Variants in COX7B2 observed in about 807,000 individuals in gnomAD.
COX7B2 encodes cytochrome c oxidase subunit 7B2, also known as cytochrome c oxidase subunit 7B2, mitochondrial.
For synonymous variants in COX7B2, 37 were observed against 32.1 expected (o/e 1.15, Z -0.51); for missense variants, 109 against 95.9 (o/e 1.14, Z -0.57).
chr4:46,885,243 A>C (rs1438691207), intron 1 of COX7B2, among the ~76,000 whole-genome samples: 1 of 152,122 alleles, frequency 6.6e-6, no homozygotes, highest in Non-Finnish European at 1.5e-5. Flanking sequence ...TGTGAATTTA[A>C]AACTCATTAT....
chr4:46,849,057 T>C (rs1716486672), intron 1 of COX7B2, among the ~76,000 whole-genome samples: 1 of 152,038 alleles, frequency 6.6e-6, no homozygotes, highest in South Asian at 2.1e-4. Context: ...TCAGTACAGT[T>C]GCAATTCTTT....
Position 46,735,150 on chromosome 4 carries a change from T to A in COX7B2, c.43A>T (p.Ile15Phe). 1.2e-6 allele frequency: 2 copies of A among 1,613,452 alleles called. No homozygotes were observed. The highest frequency in any genetic ancestry group is 1.7e-6 in the Non-Finnish European group (2 of 1,179,826). The change falls in exon 3 of 3, where the codon ATT becomes TTT. Residue 15 changes from isoleucine (I) to phenylalanine (F), a missense_variant. Ile to Phe is a conservative substitution (Grantham distance 21). Coordinates refer to ENST00000355591, the MANE Select transcript of COX7B2 (RefSeq NM_130902.3). Reference sequence around the variant, plus strand: ...GCCATGCTTTGCAGAATGCTTTGAATCTTGAGACTGCTTAGTGCATTTCTG... The same window carrying A: ...GCCATGCTTTGCAGAATGCTTTGAAACTTGAGACTGCTTAGTGCATTTCTG... ...LARNALSSLKIQSILQSMARH... is the reference protein window; with the variant it reads ...LARNALSSLKFQSILQSMARH...
intron 2 of COX7B2, among the ~76,000 whole-genome samples, chr4:46,804,279 C>T (rs961148844): frequency 6.6e-6 from 1 of 152,142 alleles, no homozygotes; most frequent in African/African-American, 2.4e-5. Flanking sequence ...CCGCAAAGAG[C>T]GAAAGAACGA....
intron 2 of COX7B2, among the ~76,000 whole-genome samples, chr4:46,809,497 T>A (rs1269960717): frequency 1.3e-5 from 2 of 151,832 alleles, no homozygotes; most frequent in Non-Finnish European, 3.0e-5. Flanking sequence ...TCAAGATATT[T>A]TTTTAAATTT....
intron 2 of COX7B2, among the ~76,000 whole-genome samples, chr4:46,770,227 A>G (rs1716795562): frequency 6.6e-6 from 1 of 152,204 alleles, no homozygotes; most frequent in African/African-American, 2.4e-5. Flanking sequence ...AGAATCCAGA[A>G]CTACAACCCC....
At chr4:46,754,726 G>GTATATATATA (rs1228184530) in intron 2 of COX7B2, among the ~76,000 whole-genome samples, 11 of 46,132 alleles carry the variant, frequency 2.4e-4, no homozygotes, top group African/African-American at 8.7e-4. Context: ...GTGTGTGTGT[G>GTATATATATA]TGTATATATA....
rs552521254 is a variant in COX7B2, at chr4:46,857,193, C to G, written c.-104-12179G>C. Among the ~76,000 whole-genome samples, 157 of 152,210 alleles carry G rather than the reference C, an allele frequency of 1.0e-3. 1 individual carries two copies. Among genetic ancestry groups the G allele is most frequent in the African/African-American group, 3.6e-3 (150 of 41,520 alleles). ...ACCTCTCACTAGCTTTGTAACTCGA[C>G]AAGTTACTTAACCTTTCTATACCTC... On this transcript the variant is annotated intron_variant, in intron 1 of 2. Transcript: ENST00000355591.
intron 2 of COX7B2, among the ~76,000 whole-genome samples, chr4:46,838,836 C>T (rs1480198762): frequency 1.3e-5 from 2 of 151,858 alleles, no homozygotes; most frequent in Admixed American, 1.3e-4. Flanking sequence ...TGGCATTTGG[C>T]CCAACCATAG....
At chr4:46,896,843 T>C (rs759908981) in intron 1 of COX7B2, among the ~76,000 whole-genome samples, 1 of 152,202 alleles carries the variant, frequency 6.6e-6, no homozygotes, top group Non-Finnish European at 1.5e-5. Flanking sequence ...CATCTGTAGC[T>C]GAATTTCAAT....
At chr4:46,868,843 T>G (rs1484474891) in intron 1 of COX7B2, among the ~76,000 whole-genome samples, 1 of 152,188 alleles carries the variant, frequency 6.6e-6, no homozygotes, top group African/African-American at 2.4e-5. Flanking sequence ...GAATGTGTAT[T>G]CTGTTGGTTT....
chr4:46,740,021 T>G (rs1560344012), intron 2 of COX7B2, among the ~76,000 whole-genome samples: 1 of 152,108 alleles, frequency 6.6e-6, no homozygotes, highest in African/African-American at 2.4e-5. Flanking sequence ...TTTTAATTTT[T>G]TATTTTCATG....
intron 2 of COX7B2, among the ~76,000 whole-genome samples, chr4:46,768,561 G>T (rs1303302710): frequency 6.6e-6 from 1 of 152,054 alleles, no homozygotes; most frequent in African/African-American, 2.4e-5. Flanking sequence ...TGGAACCCTT[G>T]CCAGGGACCC....
intron 2 of COX7B2, among the ~76,000 whole-genome samples, chr4:46,767,530 C>A (rs1487083412): frequency 1.3e-5 from 2 of 152,116 alleles, no homozygotes; most frequent in Non-Finnish European, 2.9e-5. Context: ...ACAGAACATT[C>A]TATCCAAGAG....
intron 2 of COX7B2, among the ~76,000 whole-genome samples, chr4:46,821,063 C>T (rs1714250906): frequency 6.6e-6 from 1 of 152,098 alleles, no homozygotes; most frequent in African/African-American, 2.4e-5. Context: ...GCTGCCCTTG[C>T]TTCTTTAAAA....
chr4:46,758,914 C>T (rs1715961943), intron 2 of COX7B2, among the ~76,000 whole-genome samples: 1 of 152,074 alleles, frequency 6.6e-6, no homozygotes, highest in South Asian at 2.1e-4. Context: ...ACCCACTTTG[C>T]AGAAAACCAC....
intron 2 of COX7B2, among the ~76,000 whole-genome samples, chr4:46,756,990 A>C (rs553026154): frequency 6.6e-6 from 1 of 152,124 alleles, no homozygotes; most frequent in Admixed American, 6.6e-5. Context: ...ACATCTGTAC[A>C]TTTATCACAG....
chr4:46,780,258 T>TG (rs1717375193), intron 2 of COX7B2, among the ~76,000 whole-genome samples: 1 of 152,176 alleles, frequency 6.6e-6, no homozygotes. Flanking sequence ...GGCTCACACC[T>TG]GTAATCCCCA....
intron 1 of COX7B2, among the ~76,000 whole-genome samples, chr4:46,873,523 A>G (rs1218353085): frequency 6.6e-6 from 1 of 152,170 alleles, no homozygotes; most frequent in African/African-American, 2.4e-5. Flanking sequence ...AACTGGCATG[A>G]GATGGTATCT....
chr4:46,848,499 T>C lies in COX7B2; in HGVS notation c.-104-3485A>G, dbSNP rs146336059. On this transcript the variant is annotated intron_variant, in intron 1 of 2. Coordinates refer to ENST00000355591, the MANE Select transcript of COX7B2 (RefSeq NM_130902.3). The stretch of plus-strand genomic sequence containing the variant: ...TTACTGTTGTACAAAAACTGTTTTA[T>C]GCCCTAATGTGATTAGTATTCAGCT... Among the ~76,000 whole-genome samples the C allele has an allele frequency of 7.7e-3, 1,175 of 152,206 alleles. 18 individuals are homozygous for C. The highest frequency in any genetic ancestry group is 0.027 in the African/African-American group (1,132 of 41,556).
Sources: allele counts gnomAD v4.1 joint callset (sites outside exome capture counted in the v4.1 genomes callset), GRCh38; gene constraint gnomAD v4.1.1; transcripts MANE v1.5; gene names NCBI Gene and HGNC (gene_info 2026-07-23, HGNC 2026-07-21).